GLCCI1: variants seen among roughly 807,000 people sequenced by gnomAD.
GLCCI1 encodes the protein glucocorticoid-induced transcript 1 protein.
In GLCCI1, 24 loss-of-function variants were observed where a neutral mutation model predicts 52.2. That is an observed-to-expected ratio of 0.46 (90% confidence interval 0.33 to 0.65). The LOEUF (loss-of-function observed/expected upper bound fraction) is 0.65, where lower values mean the gene tolerates loss of function less well. Among genes scored for constraint, GLCCI1 ranks in the 30% least tolerant of loss-of-function variants. GLCCI1 has a pLI of 0.02. For synonymous variants in GLCCI1, 310 were observed against 276.5 expected, an observed-to-expected ratio of 1.12 and a Z score of -1.20; for missense variants, 704 against 701.5, an observed-to-expected ratio of 1.00 and a Z score of -0.04.
chr7:8,082,206 C>G (rs1210417747), intron 6 of GLCCI1, among the ~76,000 whole-genome samples: 2 of 152,142 alleles, frequency 1.3e-5, no homozygotes, highest in Admixed American at 1.3e-4. Flanking sequence ...ACATTCAAGT[C>G]TGGAATGAGT....
intron 5 of GLCCI1, among the ~76,000 whole-genome samples, chr7:8,068,543 T>C (rs954967685): frequency 1.3e-5 from 2 of 152,250 alleles, no homozygotes; most frequent in Admixed American, 1.3e-4. Flanking sequence ...TCCTGTATTA[T>C]TTTATGGTAA....
Position 8,086,222 on chromosome 7 carries a change from T to C in GLCCI1, c.1328T>C (p.Phe443Ser). ...CGTCAGCCTATCTCGGCCCCTCTCTTTTCATGTCCTGACAAAAACAAGGTT... is the reference window on the plus strand; with the variant it reads ...CGTCAGCCTATCTCGGCCCCTCTCTCTTCATGTCCTGACAAAAACAAGGTT... ...ASRQPISAPL[F>S]SCPDKNKVNF... Residue 443 changes from phenylalanine (F) to serine (S), a missense_variant, in exon 8 of 8, where the codon TTT becomes TCT. Physicochemically the swap from Phe to Ser is radical, Grantham distance 155. This residue lies in a region of GLCCI1 where 149 missense variants were observed against 152.9 expected (regional missense o/e 0.97). Transcript: ENST00000223145. The surrounding 1 kb of genome is among the most constrained non-coding windows in gnomAD (Gnocchi z 4.4). 6.2e-7 allele frequency: 1 copy of C among 1,614,024 alleles called. No individual in the cohort carries two copies. Among genetic ancestry groups the C allele is most frequent in the Non-Finnish European group, 8.5e-7 (1 of 1,179,976 alleles).
intron 6 of GLCCI1, chr7:8,084,646 G>A: frequency 5.1e-6 from 2 of 390,320 alleles, no homozygotes; most frequent in Non-Finnish European, 9.3e-6. Context: ...CAGCTCTGTT[G>A]TATTCAAAAT....
chr7:7,998,516 A>G (rs1308196033), intron 1 of GLCCI1, among the ~76,000 whole-genome samples: 1 of 152,172 alleles, frequency 6.6e-6, no homozygotes, highest in Non-Finnish European at 1.5e-5. Context: ...GTGCAGGCTC[A>G]GGAGGTAGCT....
At chr7:8,046,619 A>T (rs1051768564) in intron 3 of GLCCI1, among the ~76,000 whole-genome samples, 5 of 152,184 alleles carry the variant, frequency 3.3e-5, no homozygotes, top group Non-Finnish European at 7.4e-5. Flanking sequence ...GAAAATTTTT[A>T]AATCTACCTA....
chr7:8,005,539 G>GA (rs1210572062), intron 2 of GLCCI1, among the ~76,000 whole-genome samples: 1 of 152,150 alleles, frequency 6.6e-6, no homozygotes, highest in Non-Finnish European at 1.5e-5. Flanking sequence ...ATTTATTTAG[G>GA]AGCATAGAGC....
chr7:8,039,068 C>T (rs988658171), intron 3 of GLCCI1, among the ~76,000 whole-genome samples: 2 of 151,960 alleles, frequency 1.3e-5, no homozygotes, highest in Non-Finnish European at 2.9e-5. Flanking sequence ...GAGATAGCAC[C>T]TTATACCAGT....
At chr7:8,072,455 T>C (rs139653731) in intron 6 of GLCCI1, among the ~76,000 whole-genome samples, 28 of 152,266 alleles carry the variant, frequency 1.8e-4, no homozygotes, top group African/African-American at 5.5e-4. Context: ...TTTGGCTTCA[T>C]GTGGGAAGTC....
chr7:7,969,690 G>A lies in GLCCI1; in HGVS notation c.340G>A (p.Ala114Thr), dbSNP rs1243180078. ...PSPSSPTPPA[A>T]AAPAEQAPRA... ...CCCGTCCAGCCCGACGCCGCCGGCGGCCGCAGCCCCGGCCGAGCAGGCGCC... is the reference window on the plus strand; with the variant it reads ...CCCGTCCAGCCCGACGCCGCCGGCGACCGCAGCCCCGGCCGAGCAGGCGCC... Residue 114 changes from alanine (A) to threonine (T), a missense_variant, in exon 1 of 8, where the codon GCC becomes ACC. By Grantham distance (58) the Ala-to-Thr change is moderately conservative (BLOSUM62 0). This residue lies in a region of GLCCI1 where 547 missense variants were observed against 524.8 expected (regional missense o/e 1.04). Coordinates refer to ENST00000223145, the MANE Select transcript of GLCCI1 (RefSeq NM_138426.4). This position sits in a 1 kb window ranked among gnomAD's most constrained non-coding sequence, Gnocchi z 4.9. 1 of 1,169,678 alleles carries A rather than the reference G, an allele frequency of 8.5e-7. No individual in the cohort carries two copies. The highest frequency in any genetic ancestry group is 1.1e-6 in the Non-Finnish European group (1 of 946,144). The allele number at this position is 1,169,678 out of a possible 1,614,324, so 72.5% of individuals were successfully genotyped here.
chr7:8,057,112 G>A (rs781038712), intron 4 of GLCCI1, among the ~76,000 whole-genome samples: 1 of 152,130 alleles, frequency 6.6e-6, no homozygotes, highest in African/African-American at 2.4e-5. Flanking sequence ...ACACAAAAAG[G>A]TACAACTACT....
At chr7:8,047,568 A>G (rs1440708372) in intron 3 of GLCCI1, among the ~76,000 whole-genome samples, 1 of 152,204 alleles carries the variant, frequency 6.6e-6, no homozygotes, top group Non-Finnish European at 1.5e-5. Flanking sequence ...GTGACACTGC[A>G]TTAGTTTATA....
At chr7:8,042,721 G>A (rs1449309046) in intron 3 of GLCCI1, among the ~76,000 whole-genome samples, 7 of 152,018 alleles carry the variant, frequency 4.6e-5, no homozygotes, top group Admixed American at 2.6e-4. Flanking sequence ...TGCTTCTTAC[G>A]GATGAGCAAA....
At chr7:8,059,682 C>A (rs191038921) in intron 4 of GLCCI1, among the ~76,000 whole-genome samples, 13 of 152,212 alleles carry the variant, frequency 8.5e-5, no homozygotes, top group African/African-American at 2.9e-4. Context: ...TAATTGTCAC[C>A]ATACAGAAAA....
At chr7:8,064,816 C>T (rs547631859) in intron 5 of GLCCI1, among the ~76,000 whole-genome samples, 1 of 152,108 alleles carries the variant, frequency 6.6e-6, no homozygotes, top group East Asian at 1.9e-4. Flanking sequence ...CCAATGATTC[C>T]CCTGCCACAG....
At chr7:8,037,108 G>A (rs1781883958) in intron 3 of GLCCI1, among the ~76,000 whole-genome samples, 1 of 144,304 alleles carries the variant, frequency 6.9e-6, no homozygotes, top group Non-Finnish European at 1.5e-5. Context: ...GACAAAGTCA[G>A]TGTGAAGGAA....
chr7:7,969,645 G>A lies in GLCCI1; in HGVS notation c.295G>A (p.Gly99Ser). ...CTCGCTGGGCAGCCTCCCGGGGCCC[G>A]GCGCGGCCCGCGGCCCCAGCCCGTC... is the stretch of plus-strand genomic sequence containing the variant. ...AASLGSLPGP[G>S]AARGPSPSSP... Residue 99 changes from glycine to serine, a missense_variant, in exon 1 of 8, where the codon GGC (glycine) becomes AGC (serine). Around this residue, in one of 3 missense-constraint regions of GLCCI1, gnomAD observed 547 missense variants for 524.8 expected, o/e 1.04. Transcript: ENST00000223145. The surrounding 1 kb of genome is among the most constrained non-coding windows in gnomAD (Gnocchi z 4.9). The A allele has an allele frequency of 9.9e-7, 1 of 1,013,002 alleles. No homozygotes were observed. Among genetic ancestry groups the A allele is most frequent in the Non-Finnish European group, 1.2e-6 (1 of 853,726 alleles). The allele number at this position is 1,013,002 out of a possible 1,614,324, so 62.8% of individuals were successfully genotyped here. A position where few individuals can be genotyped will look rare whatever the true frequency, so the allele number is the denominator to read the frequency against.
chr7:8,065,260 T>G (rs1438163527), intron 5 of GLCCI1, among the ~76,000 whole-genome samples: 1 of 152,234 alleles, frequency 6.6e-6, no homozygotes, highest in Non-Finnish European at 1.5e-5. Context: ...TTTTGTTTCT[T>G]AAAACTTTGC....
intron 6 of GLCCI1, among the ~76,000 whole-genome samples, chr7:8,084,207 A>G (rs1783052427): frequency 6.6e-6 from 1 of 152,196 alleles, no homozygotes; most frequent in African/African-American, 2.4e-5. Flanking sequence ...TTTCATGAAT[A>G]GACCATTTTC....
At chr7:8,069,809 C>G (rs575059659) in intron 5 of GLCCI1, among the ~76,000 whole-genome samples, 1 of 152,276 alleles carries the variant, frequency 6.6e-6, no homozygotes, top group African/African-American at 2.4e-5. Context: ...CCCCTCTTGA[C>G]AGTTTTTCTA....
Sources: gnomAD v4.1 joint callset for allele counts (sites outside exome capture counted in the v4.1 genomes callset) on GRCh38, gnomAD v4.1.1 for gene constraint, gnomAD v4.1.1 regional missense constraint, Gnocchi (gnomAD v3.1) non-coding constraint, MANE v1.5 for transcripts, NCBI Gene and HGNC (gene_info 2026-07-23, HGNC 2026-07-21) for gene names.